The following GRM5 variants were observed in gnomAD, a reference collection of about 807,000 sequenced individuals.
GRM5 encodes metabotropic glutamate receptor 5.
Under a neutral mutation model 83.1 loss-of-function variants are expected in GRM5, and 19 were observed. The observed-to-expected ratio is 0.23, with a 90% CI of 0.16 to 0.34. The LOEUF is 0.34. Among genes scored for constraint, GRM5 ranks in the 10% least tolerant of loss-of-function variants. The pLI is 1.00. For missense variants in GRM5, 1,160 were observed against 1,588.3 expected, an observed-to-expected ratio of 0.73 and a Z score of 4.58; for synonymous variants, 675 against 633.6, an observed-to-expected ratio of 1.07 and a Z score of -0.98.
At chr11:88,862,082 T>C (rs1035793246) in intron 2 of GRM5, among the ~76,000 whole-genome samples, 1 of 152,188 alleles carries the variant, frequency 6.6e-6, no homozygotes, top group African/African-American at 2.4e-5. Flanking sequence ...TCTGCATTCA[T>C]TGTGATATAA....
At chr11:88,885,183 T>C (rs1235405530) in intron 2 of GRM5, among the ~76,000 whole-genome samples, 1 of 151,892 alleles carries the variant, frequency 6.6e-6, no homozygotes, top group African/African-American at 2.4e-5. Flanking sequence ...TAAATCAGTT[T>C]AAATATATAA....
Position 89,047,210 on chromosome 11 carries a change from A to G in GRM5, c.661+2T>C. On this transcript the variant is annotated splice_donor_variant, in intron 2 of 9. Coordinates refer to ENST00000305447, the MANE Select transcript of GRM5 (RefSeq NM_001143831.3). LOFTEE classifies it high-confidence loss of function. This position sits in a 1 kb window ranked among gnomAD's most constrained non-coding sequence, Gnocchi z 5.1. ...TACTCGATGTATGCAAAGGAAACTT[A>G]CCTTCTGTGTGCACGGCTGATACAT... 6.3e-7 allele frequency: 1 copy of G among 1,598,166 alleles called. No individual in the cohort carries two copies. Among genetic ancestry groups the G allele is most frequent in the Non-Finnish European group, 8.5e-7 (1 of 1,169,600 alleles).
intron 3 of GRM5, among the ~76,000 whole-genome samples, chr11:88,670,355 T>G (rs999408957): frequency 6.6e-6 from 1 of 152,002 alleles, no homozygotes; most frequent in Non-Finnish European, 1.5e-5. Context: ...AAAAAGGGCA[T>G]AGACAGAACT....
intron 2 of GRM5, among the ~76,000 whole-genome samples, chr11:88,853,196 C>T (rs770185077): frequency 2.0e-5 from 3 of 152,112 alleles, no homozygotes; most frequent in South Asian, 2.1e-4. Flanking sequence ...TCGTAGCTCA[C>T]GCTACTTACA....
Position 89,024,320 on chromosome 11 carries a change from C to T in GRM5, c.661+22892G>A, listed in dbSNP as rs149601163. ...TACAGGTTCAGACAGCTAGCCCTGCCGGGCCAGAGATACTGAGGAGACTAT... is the reference window on the plus strand; with the variant it reads ...TACAGGTTCAGACAGCTAGCCCTGCTGGGCCAGAGATACTGAGGAGACTAT... On this transcript the variant is annotated intron_variant, in intron 2 of 9. Coordinates refer to ENST00000305447, the MANE Select transcript of GRM5 (RefSeq NM_001143831.3). Among the ~76,000 whole-genome samples, 921 of 152,278 alleles carry T rather than the reference C, an allele frequency of 6.0e-3. 9 individuals carry two copies. Among genetic ancestry groups the T allele is most frequent in the African/African-American group, 0.021 (879 of 41,540 alleles).
intron 2 of GRM5, among the ~76,000 whole-genome samples, chr11:88,926,915 T>C (rs963313324): frequency 3.3e-5 from 5 of 152,178 alleles, no homozygotes; most frequent in Non-Finnish European, 7.4e-5. Flanking sequence ...ATAAATTAAT[T>C]ATTTGATAAT....
At chr11:88,848,921 T>C (rs1944343086) in intron 3 of GRM5, among the ~76,000 whole-genome samples, 1 of 152,190 alleles carries the variant, frequency 6.6e-6, no homozygotes, top group South Asian at 2.1e-4. Flanking sequence ...AGGTAATGTT[T>C]TTTGCCTGAT....
At chr11:88,958,027 A>G (rs953902671) in intron 2 of GRM5, among the ~76,000 whole-genome samples, 1 of 151,926 alleles carries the variant, frequency 6.6e-6, no homozygotes, top group African/African-American at 2.4e-5. Context: ...TGAAGTTGAC[A>G]AGGTATAGAA....
intron 3 of GRM5, among the ~76,000 whole-genome samples, chr11:88,738,192 T>C (rs140212926): frequency 2.2e-4 from 34 of 152,142 alleles, no homozygotes; most frequent in African/African-American, 3.1e-4. Flanking sequence ...ATTTTTATTA[T>C]AATATGTGGC....
chr11:88,937,177 A>G (rs1016741223), intron 2 of GRM5, among the ~76,000 whole-genome samples: 26 of 151,730 alleles, frequency 1.7e-4, no homozygotes, highest in African/African-American at 4.8e-4. Context: ...AGAGGGACCA[A>G]CTGGGTTTGA....
chr11:88,560,168 T>C (rs1432742142), intron 8 of GRM5, among the ~76,000 whole-genome samples: 1 of 152,184 alleles, frequency 6.6e-6, no homozygotes, highest in African/African-American at 2.4e-5. Flanking sequence ...TTTCCTATTA[T>C]GCAAAAGAAC....
intron 2 of GRM5, among the ~76,000 whole-genome samples, chr11:88,924,669 G>T (rs1378658217): frequency 3.3e-5 from 5 of 151,938 alleles, no homozygotes; most frequent in Non-Finnish European, 5.9e-5. Flanking sequence ...AAAATGGGGA[G>T]ATGTAAGTCA....
chr11:88,668,297 G>GCACACACACACACACA (rs72052705), intron 3 of GRM5, among the ~76,000 whole-genome samples: 5 of 130,034 alleles, frequency 3.8e-5, no homozygotes, highest in African/African-American at 1.5e-4. Context: ...CCAGAAACTC[G>GCACACACACACACACA]CACACACACA....
chr11:88,828,502 G>A (rs1370855833), intron 3 of GRM5, among the ~76,000 whole-genome samples: 3 of 151,924 alleles, frequency 2.0e-5, no homozygotes, highest in Non-Finnish European at 4.4e-5. Flanking sequence ...AATATAAGAA[G>A]AAGAAAATAA....
At chr11:88,541,204 T>A (rs1942258044) in intron 8 of GRM5, among the ~76,000 whole-genome samples, 1 of 152,138 alleles carries the variant, frequency 6.6e-6, no homozygotes, top group African/African-American at 2.4e-5. Context: ...CACTGCCGAG[T>A]GTCTATCACA....
intron 2 of GRM5, among the ~76,000 whole-genome samples, chr11:88,967,461 G>T (rs1939023676): frequency 6.6e-6 from 1 of 151,804 alleles, no homozygotes; most frequent in African/African-American, 2.4e-5. Context: ...AAGCTATGGG[G>T]CCTACATCTA....
At chr11:88,689,628 G>T (rs1940729870) in intron 3 of GRM5, among the ~76,000 whole-genome samples, 1 of 152,140 alleles carries the variant, frequency 6.6e-6, no homozygotes, top group Non-Finnish European at 1.5e-5. Context: ...AGACACTGTT[G>T]TTTTCCCTTT....
intron 3 of GRM5, among the ~76,000 whole-genome samples, chr11:88,727,274 T>C (rs192108704): frequency 1.0e-3 from 152 of 151,606 alleles, no homozygotes; most frequent in African/African-American, 3.5e-3. Flanking sequence ...CCAACAAAGG[T>C]CAAAAGAGAC....
intron 8 of GRM5, among the ~76,000 whole-genome samples, chr11:88,544,842 A>G (rs550167277): frequency 6.6e-6 from 1 of 152,252 alleles, no homozygotes; most frequent in Non-Finnish European, 1.5e-5. Flanking sequence ...TCTTGGTACC[A>G]ACGAAATCCT....
Sources: allele counts gnomAD v4.1 joint callset (sites outside exome capture counted in the v4.1 genomes callset), GRCh38; gene constraint gnomAD v4.1.1; non-coding constraint Gnocchi (gnomAD v3.1); transcripts MANE v1.5; gene names NCBI Gene and HGNC (gene_info 2026-07-23, HGNC 2026-07-21).